The following LRBA variants were observed in gnomAD, a reference collection of about 807,000 sequenced individuals.
LRBA encodes the protein LPS responsive beige-like anchor protein.
A neutral mutation model predicts 330.0 loss-of-function variants in LRBA; 176 were observed. That is an observed-to-expected ratio of 0.53 (90% confidence interval 0.47 to 0.60). LRBA has a LOEUF of 0.60. Ranked by LOEUF, LRBA falls within the 20% of genes least tolerant of loss-of-function variation. LRBA has a pLI of 0.00. For missense variants in LRBA, 3,259 were observed against 3,444.8 expected, an observed-to-expected ratio of 0.95 and a Z score of 1.35; for synonymous variants, 1,230 against 1,193.0, an observed-to-expected ratio of 1.03 and a Z score of -0.64.
At chr4:150,282,963 A>AAGCTTCAAATTCTAGCAC (rs1747727052) in intron 54 of LRBA, among the ~76,000 whole-genome samples, 1 of 152,154 alleles carries the variant, frequency 6.6e-6, no homozygotes, top group Admixed American at 6.5e-5. Context: ...GAAACAGGAT[A>AAGCTTCAAATTCTAGCAC]AGCTTCAAAT....
At position 150,978,232 on chromosome 4, in the gene LRBA, G is replaced by C. The variant is rs560048531; in HGVS notation, c.216+36195C>G. Among the ~76,000 whole-genome samples, 18 of 152,348 alleles carry C rather than the reference G, an allele frequency of 1.2e-4. No homozygotes were observed. The South Asian group carries it at 1.5e-3, about 12-fold the overall frequency. On this transcript the variant is annotated intron_variant, in intron 2 of 56. Transcript: ENST00000651943. The stretch of plus-strand genomic sequence containing the variant: ...ACCATTTGTTTGGGACAAAGTAATG[G>C]AAGAAAACAAGAGTCTCCACCTGGT...
At chr4:150,999,492 G>C (rs182760293) in intron 2 of LRBA, among the ~76,000 whole-genome samples, 1 of 151,732 alleles carries the variant, frequency 6.6e-6, no homozygotes, top group Non-Finnish European at 1.5e-5. Context: ...TGAACTCCTG[G>C]GCTCAAATGA....
chr4:150,309,736 T>C lies in LRBA; in HGVS notation c.7849+493A>G, dbSNP rs556958761. On this transcript the variant is annotated intron_variant, in intron 52 of 56. Transcript: ENST00000651943. ...CTCCTGTCACACATAAAAGCAATAG[T>C]CAGCTACTTTTCTTCATGATGGTGT... is the stretch of plus-strand genomic sequence containing the variant. Among the ~76,000 whole-genome samples the C allele has an allele frequency of 3.6e-3, 553 of 152,240 alleles. 8 individuals are homozygous for C. Among genetic ancestry groups the C allele is most frequent in the Non-Finnish European group, 2.6e-3 (178 of 68,016 alleles).
At chr4:150,948,193 TAAAG>T (rs1736436434) in intron 2 of LRBA, among the ~76,000 whole-genome samples, 1 of 151,980 alleles carries the variant, frequency 6.6e-6, no homozygotes, top group Admixed American at 6.6e-5. Flanking sequence ...AAGAGAAAGA[TAAAG>T]TAGAAAGAAT....
intron 55 of LRBA, among the ~76,000 whole-genome samples, chr4:150,278,241 C>CAA (rs1747064529): frequency 6.6e-6 from 1 of 152,188 alleles, no homozygotes; most frequent in South Asian, 2.1e-4. Flanking sequence ...TACTAGGTAG[C>CAA]AAACTCTTCC....
At position 150,787,991 on chromosome 4, in the gene LRBA, T is replaced by G. The variant is rs893714814; in HGVS notation, c.5580+10090A>C. On this transcript the variant is annotated intron_variant, in intron 34 of 56. Coordinates refer to ENST00000651943, the MANE Select transcript of LRBA (RefSeq NM_001364905.1). ...ATTGCTGGATCATATGGTAGCTGTA[T>G]TTTTAGTTTTTTGAGGAACTAAAAA... 2.6e-5 allele frequency among the ~76,000 whole-genome samples: 4 copies of G among 152,330 alleles called. No individual in the cohort carries two copies. The East Asian group carries it at 5.8e-4, about 22-fold the overall frequency.
intron 37 of LRBA, among the ~76,000 whole-genome samples, chr4:150,600,111 A>C (rs1773968034): frequency 6.6e-6 from 1 of 152,120 alleles, no homozygotes; most frequent in Non-Finnish European, 1.5e-5. Context: ...AATATTTTAT[A>C]AGGAAAATAC....
chr4:150,958,660 C>T (rs573018511), intron 2 of LRBA, among the ~76,000 whole-genome samples: 21 of 149,328 alleles, frequency 1.4e-4, no homozygotes, highest in Non-Finnish European at 1.9e-4. Context: ...ACTTTGCTTC[C>T]TCTTGAATGC....
chr4:150,842,076 A>G (rs1749170789), intron 28 of LRBA, among the ~76,000 whole-genome samples: 1 of 152,216 alleles, frequency 6.6e-6, no homozygotes, highest in Non-Finnish European at 1.5e-5. Flanking sequence ...AACTTTTATA[A>G]TTACAAAACA....
At chr4:150,559,843 T>TGAGGG (rs1767985376) in intron 40 of LRBA, among the ~76,000 whole-genome samples, 1 of 75,552 alleles carries the variant, frequency 1.3e-5, no homozygotes, top group Non-Finnish European at 2.4e-5. Flanking sequence ...ATATAATATA[T>TGAGGG]ATAATAATAT....
chr4:150,766,887 C>A (rs1451108825), intron 34 of LRBA, among the ~76,000 whole-genome samples: 1 of 152,150 alleles, frequency 6.6e-6, no homozygotes, highest in Non-Finnish European at 1.5e-5. Flanking sequence ...TAATTTCATA[C>A]CTGTTCCTAA....
intron 28 of LRBA, among the ~76,000 whole-genome samples, chr4:150,834,017 C>T (rs568952134): frequency 9.9e-5 from 15 of 152,272 alleles, no homozygotes; most frequent in Admixed American, 5.9e-4. Context: ...ACTCTTCATT[C>T]GTTGGAGTAT....
intron 48 of LRBA, among the ~76,000 whole-genome samples, chr4:150,342,328 T>G (rs1419687637): frequency 6.6e-6 from 1 of 151,808 alleles, no homozygotes; most frequent in Non-Finnish European, 1.5e-5. Flanking sequence ...GGAACTAGAA[T>G]AGATTAAAAA....
intron 34 of LRBA, 101 bp from the exon 35 acceptor site, chr4:150,761,948 C>A: frequency 1.5e-6 from 1 of 673,386 alleles, no homozygotes; most frequent in Non-Finnish European, 2.6e-6. Context: ...CAATTTCATG[C>A]CTAACTCTTA....
At position 150,887,783 on chromosome 4, in the gene LRBA, A is replaced by G. The variant is rs901563709; in HGVS notation, c.2165+5269T>C. Among the ~76,000 whole-genome samples the G allele has an allele frequency of 2.1e-4, 32 of 148,956 alleles. 1 individual carries two copies. The highest frequency in any genetic ancestry group is 3.2e-3 in the Middle Eastern group (1 of 316). On this transcript the variant is annotated intron_variant, in intron 17 of 56. Transcript: ENST00000651943. Reference sequence around the variant, plus strand: ...GACTCCGTCTCAAAAAAAAAAAAAAAAAAGAAAGAAAAAAAAAAGAACCTA... The same window carrying G: ...GACTCCGTCTCAAAAAAAAAAAAAAGAAAGAAAGAAAAAAAAAAGAACCTA...
At chr4:150,477,057 A>G (rs1487410719) in intron 42 of LRBA, among the ~76,000 whole-genome samples, 1 of 152,184 alleles carries the variant, frequency 6.6e-6, no homozygotes, top group African/African-American at 2.4e-5. Flanking sequence ...GGAGTAGCTC[A>G]TAAATGCCAA....
chr4:150,661,481 A>G (rs952767017), intron 37 of LRBA, among the ~76,000 whole-genome samples: 4 of 151,712 alleles, frequency 2.6e-5, no homozygotes, highest in Admixed American at 2.6e-4. Flanking sequence ...AAAAAAAAAA[A>G]AAAAAAGAAG....
intron 17 of LRBA, among the ~76,000 whole-genome samples, chr4:150,876,708 A>G (rs2127025359): frequency 6.6e-6 from 1 of 152,332 alleles, no homozygotes; most frequent in East Asian, 1.9e-4. Context: ...GAGATCCTTA[A>G]GGGAGTTCTA....
chr4:150,908,419 T>C lies in LRBA; in HGVS notation c.1408A>G (p.Ile470Val), dbSNP rs562880170. 1.2e-5 allele frequency: 19 copies of C among 1,609,888 alleles called. No homozygotes were observed. The highest frequency in any genetic ancestry group is 1.7e-4 in the Middle Eastern group (1 of 6,038). Residue 470 changes from isoleucine (I) to valine (V), a missense_variant, in exon 11 of 57, where the codon ATT becomes GTT. By Grantham distance (29) the Ile-to-Val change is conservative (BLOSUM62 3). Coordinates refer to ENST00000651943, the MANE Select transcript of LRBA (RefSeq NM_001364905.1). Reference sequence around the variant, plus strand: ...GGAAATAGTACTTGTACTCCTCCAATTGAATGCATTGCACTTTGGATGGAA... The same window carrying C: ...GGAAATAGTACTTGTACTCCTCCAACTGAATGCATTGCACTTTGGATGGAA... ...THSIQSAMHS[I>V]GGVQVLFPLF...
Sources: allele counts gnomAD v4.1 joint callset (sites outside exome capture counted in the v4.1 genomes callset), GRCh38; gene constraint gnomAD v4.1.1; transcripts MANE v1.5; gene names NCBI Gene and HGNC (gene_info 2026-07-23, HGNC 2026-07-21).